Variants in SDR16C5 observed in about 807,000 individuals in gnomAD.
SDR16C5 encodes the protein epidermal retinol dehydrogenase 2.
Under a neutral mutation model 27.7 loss-of-function variants are expected in SDR16C5, and 20 were observed. That is an observed-to-expected ratio of 0.72 (90% confidence interval 0.51 to 1.05). SDR16C5 has a LOEUF of 1.05. Among genes scored for constraint, SDR16C5 ranks in the 50% least tolerant of loss-of-function variants. The pLI, the probability that SDR16C5 is intolerant of heterozygous loss-of-function variation, is 0.00. For missense variants in SDR16C5, 374 were observed against 366.3 expected, an observed-to-expected ratio of 1.02 and a Z score of -0.17; for synonymous variants, 139 against 132.3, an observed-to-expected ratio of 1.05 and a Z score of -0.35.
At chr8:56,309,278 G>A (rs2129258804) in intron 3 of SDR16C5, 1 of 975,678 alleles carries the variant, frequency 1.0e-6, no homozygotes, top group Non-Finnish European at 1.2e-6. Flanking sequence ...GCTCATATTT[G>A]ACTTTTAACG....
rs777465026 is a variant in SDR16C5, at chr8:56,300,734, T to A, written c.*746A>T. On this transcript the variant is annotated 3_prime_UTR_variant, in exon 7 of 7. Coordinates refer to ENST00000303749, the MANE Select transcript of SDR16C5 (RefSeq NM_138969.4). ...AGATAGCAAAAAACCTAACTTGGTA[T>A]AATTTCATCTTCAAAGTAAGAAGCA... 6 of 152,348 alleles carry A rather than the reference T, an allele frequency of 3.9e-5. No homozygotes were observed. The highest frequency in any genetic ancestry group is 2.0e-4 in the Admixed American group (3 of 15,304). 9.4% of individuals were successfully genotyped at this position (152,348 alleles called of 1,614,324 possible).
chr8:56,306,846 T>C (rs924092319), intron 4 of SDR16C5, 26 bp from the exon 5 acceptor site: 28 of 1,596,208 alleles, frequency 1.8e-5, no homozygotes, highest in Non-Finnish European at 2.4e-5. Flanking sequence ...CATGATAACG[T>C]ATATTCCAAA....
intron 1 of SDR16C5, 139 bp downstream of exon 1, chr8:56,319,920 C>T (rs1011654283): frequency 6.6e-6 from 1 of 152,232 alleles, no homozygotes; most frequent in Non-Finnish European, 1.5e-5. Context: ...GCGGGTGGGT[C>T]CTGCCGCGGC....
intron 5 of SDR16C5, among the ~76,000 whole-genome samples, chr8:56,306,386 C>T (rs929312826): frequency 6.6e-6 from 1 of 152,120 alleles, no homozygotes; most frequent in South Asian, 2.1e-4. Flanking sequence ...AGAGAGGGAG[C>T]AGAATGGGAT....
At chr8:56,317,114 C>G (rs1281657691) in intron 1 of SDR16C5, among the ~76,000 whole-genome samples, 1 of 152,176 alleles carries the variant, frequency 6.6e-6, no homozygotes, top group Non-Finnish European at 1.5e-5. Context: ...CGGGGGTTCT[C>G]TTGGCCTTAC....
At chr8:56,305,166 C>G in intron 6 of SDR16C5, among the ~76,000 whole-genome samples, 1 of 152,128 alleles carries the variant, frequency 6.6e-6, no homozygotes, top group East Asian at 1.9e-4. Flanking sequence ...GCTAATTGTA[C>G]CCATACCACA....
rs544550032 is a variant in SDR16C5, at chr8:56,300,027, T to C, written c.*1453A>G. 5.9e-5 allele frequency: 9 copies of C among 152,242 alleles called. No homozygotes were observed. The highest frequency in any genetic ancestry group is 1.0e-4 in the Non-Finnish European group (7 of 68,050). The allele number at this position is 152,242 out of a possible 1,614,324, so 9.4% of individuals were successfully genotyped here. ...ATGTCACTGTGAAATAAAACGCCTT[T>C]ATTCTTTGGCATACACCAAATACCT... On this transcript the variant is annotated 3_prime_UTR_variant, in exon 7 of 7. Transcript: ENST00000303749.
At chr8:56,319,904 C>T (rs893176430) in intron 1 of SDR16C5, among the ~76,000 whole-genome samples, 155 bp downstream of exon 1, 1 of 152,184 alleles carries the variant, frequency 6.6e-6, no homozygotes, top group African/African-American at 2.4e-5. Context: ...GCTTTCTCAC[C>T]AGCTCGCGGG....
chr8:56,303,281 C>A (rs1814805095), intron 6 of SDR16C5, among the ~76,000 whole-genome samples: 1 of 149,826 alleles, frequency 6.7e-6, no homozygotes. Context: ...CGCCATTGCA[C>A]TCCAGCCCGG....
At chr8:56,309,310 T>G (rs1417086716) in intron 3 of SDR16C5, 1 of 985,142 alleles carries the variant, frequency 1.0e-6, no homozygotes, top group Non-Finnish European at 1.2e-6. Context: ...AAACAAGAAT[T>G]GAAGGAGTAA....
rs1815186582 is a variant in SDR16C5, at chr8:56,316,059, A to G, written c.289T>C (p.Cys97Arg). The G allele has an allele frequency of 6.2e-7, 1 of 1,614,128 alleles. No individual in the cohort carries two copies. Among genetic ancestry groups the G allele is most frequent in the Non-Finnish European group, 8.5e-7 (1 of 1,179,978 alleles). ...AGATRVHAYT[C>R]DCSQKEGVYR... ...ACTCCTTCCTTTTGGCTGCAATCGC[A>G]GGTATAGGCGTGCACTCTTGTGGCT... Residue 97 changes from cysteine (C) to arginine (R), a missense_variant, in exon 2 of 7, where the codon TGC becomes CGC. By Grantham distance (180) the Cys-to-Arg change is radical. Coordinates refer to ENST00000303749, the MANE Select transcript of SDR16C5 (RefSeq NM_138969.4).
At chr8:56,314,174 T>A (rs4307338) in intron 2 of SDR16C5, among the ~76,000 whole-genome samples, 47,912 of 151,346 alleles carry the variant, frequency 0.32, 7,734 homozygotes, top group Admixed American at 0.42. Context: ...GCCACTGCAC[T>A]CCAGCCTGGC....
intron 4 of SDR16C5, among the ~76,000 whole-genome samples, chr8:56,307,105 G>A (rs1426345759): frequency 6.6e-6 from 1 of 152,200 alleles, no homozygotes; most frequent in African/African-American, 2.4e-5. Flanking sequence ...ACAAGTAAAT[G>A]CATTGTGAGC....
rs975499044 is a variant in SDR16C5 at position 56,301,385 on chromosome 8, G to C, written c.*95C>G. 1.2e-6 allele frequency: 1 copy of C among 826,080 alleles called. No individual in the cohort carries two copies. Among genetic ancestry groups the C allele is most frequent in the African/African-American group, 1.7e-5 (1 of 59,864 alleles). The allele number at this position is 826,080 out of a possible 1,614,324, so 51.2% of individuals were successfully genotyped here. On this transcript the variant is annotated 3_prime_UTR_variant, in exon 7 of 7. Coordinates refer to ENST00000303749, the MANE Select transcript of SDR16C5 (RefSeq NM_138969.4). Reference sequence around the variant, plus strand: ...ATAGGAGTGGTACTTGTGGTCTCCAGATATATTCCACTGTCAGACAAAAAT... The same window carrying C: ...ATAGGAGTGGTACTTGTGGTCTCCACATATATTCCACTGTCAGACAAAAAT...
chr8:56,303,805 T>A, intron 6 of SDR16C5: 1 of 596,868 alleles, frequency 1.7e-6, no homozygotes, highest in Non-Finnish European at 3.0e-6. Context: ...TACTATACTA[T>A]AATCTGCCAT....
chr8:56,311,806 G>T (rs146156276), intron 3 of SDR16C5, among the ~76,000 whole-genome samples: 3 of 152,204 alleles, frequency 2.0e-5, no homozygotes, highest in Non-Finnish European at 2.9e-5. Context: ...GCAGTTGCTC[G>T]CTATGTAGCC....
At chr8:56,307,788 T>C (rs150537297) in intron 4 of SDR16C5, among the ~76,000 whole-genome samples, 2 of 152,288 alleles carry the variant, frequency 1.3e-5, no homozygotes, top group Admixed American at 6.5e-5. Flanking sequence ...GGAATCTGCA[T>C]GCTAAACTGG....
intron 3 of SDR16C5, among the ~76,000 whole-genome samples, chr8:56,311,570 T>C (rs1815045425): frequency 6.6e-6 from 1 of 152,142 alleles, no homozygotes; most frequent in Non-Finnish European, 1.5e-5. Flanking sequence ...ATTGAGTGGG[T>C]GGCTTTAGAA....
At chr8:56,311,388 C>T (rs918418420) in intron 3 of SDR16C5, among the ~76,000 whole-genome samples, 1 of 151,970 alleles carries the variant, frequency 6.6e-6, no homozygotes, top group Non-Finnish European at 1.5e-5. Flanking sequence ...TGAACTCCAG[C>T]CTGGGAGACA....
Sources: allele counts gnomAD v4.1 joint callset (sites outside exome capture counted in the v4.1 genomes callset), GRCh38; gene constraint gnomAD v4.1.1; transcripts MANE v1.5; gene names NCBI Gene and HGNC (gene_info 2026-07-23, HGNC 2026-07-21).